CFTR: variants seen among roughly 807,000 people sequenced by gnomAD.
The protein encoded by CFTR is CF transmembrane conductance regulator.
Under a neutral mutation model 171.6 loss-of-function variants are expected in CFTR, and 181 were observed. The observed-to-expected ratio is 1.05, with a 90% confidence interval of 0.93 to 1.19. CFTR has a LOEUF of 1.19. CFTR is among the 50% of genes most tolerant of loss of function. CFTR has a pLI of 0.00. For missense variants in CFTR, 1,968 were observed against 1,734.7 expected, an observed-to-expected ratio of 1.13 and a Z score of -2.39; for synonymous variants, 583 against 608.0, an observed-to-expected ratio of 0.96 and a Z score of 0.60.
At chr7:117,535,448 A>G in intron 6 of CFTR, 37 bp downstream of exon 6, 1 of 1,606,080 alleles carries the variant, frequency 6.2e-7, no homozygotes. Flanking sequence ...AGTTTTAAAA[A>G]TTATGTTTTC....
At chr7:117,641,098 C>A (rs1334978369) in intron 22 of CFTR, among the ~76,000 whole-genome samples, 1 of 152,120 alleles carries the variant, frequency 6.6e-6, no homozygotes, top group African/African-American at 2.4e-5. Context: ...CTGATTTTCT[C>A]AGTTGTCTGA....
intron 24 of CFTR, among the ~76,000 whole-genome samples, chr7:117,658,714 G>A (rs529443333): frequency 6.6e-6 from 1 of 152,062 alleles, no homozygotes; most frequent in African/African-American, 2.4e-5. Flanking sequence ...TCCTCCACGG[G>A]TACCCACATG....
rs573341439 is a variant in CFTR, at chr7:117,634,465, C to T, written c.3717+6695C>T. Among the ~76,000 whole-genome samples the T allele has an allele frequency of 9.9e-5, 15 of 151,952 alleles. No individual in the cohort carries two copies. The East Asian group carries it at 1.9e-3, about 20-fold the overall frequency. On this transcript the variant is annotated intron_variant, in intron 22 of 26. Coordinates refer to ENST00000003084, the MANE Select transcript of CFTR (RefSeq NM_000492.4). ...TTTTATTGATTTTCTCTGTTGATTT[C>T]GTGATTTCAATTTCATGATTTTTAA...
chr7:117,594,603 T>G (rs576685419), intron 14 of CFTR, among the ~76,000 whole-genome samples: 2 of 152,310 alleles, frequency 1.3e-5, no homozygotes, highest in South Asian at 4.1e-4. Context: ...TTAGATGGTA[T>G]CATTCATTTG....
chr7:117,559,638 G>A lies in CFTR; in HGVS notation c.1567G>A (p.Ala523Thr). Reference sequence around the variant, plus strand: ...ATATAGATACAGAAGCGTCATCAAAGCATGCCAACTAGAAGAGGTAAGAAA... The same window carrying A: ...ATATAGATACAGAAGCGTCATCAAAACATGCCAACTAGAAGAGGTAAGAAA... Reference protein sequence around the residue: ...DEYRYRSVIKACQLEEDISKF... With the variant: ...DEYRYRSVIKTCQLEEDISKF... Residue 523 changes from alanine to threonine, a missense_variant, in exon 11 of 27, where the codon GCA becomes ACA. Transcript: ENST00000003084. 1 of 1,612,848 alleles carries A rather than the reference G, an allele frequency of 6.2e-7. No homozygotes were observed. The highest frequency in any genetic ancestry group is 1.7e-5 in the Admixed American group (1 of 60,010).
chr7:117,496,833 C>G (rs2116625462), intron 1 of CFTR, among the ~76,000 whole-genome samples: 1 of 152,022 alleles, frequency 6.6e-6, no homozygotes, highest in East Asian at 1.9e-4. Flanking sequence ...ATTTGCAACA[C>G]TTACTATTAT....
At chr7:117,627,209 G>C (rs1299900820) in intron 21 of CFTR, among the ~76,000 whole-genome samples, 2 of 152,136 alleles carry the variant, frequency 1.3e-5, no homozygotes, top group South Asian at 2.1e-4. Context: ...GTGCAGTGCT[G>C]CTCATAGTAG....
At chr7:117,498,790 C>G (rs1320797359) in intron 1 of CFTR, among the ~76,000 whole-genome samples, 1 of 150,986 alleles carries the variant, frequency 6.6e-6, no homozygotes, top group African/African-American at 2.4e-5. Flanking sequence ...TGAGTCCCCT[C>G]TTTCCTCTGC....
intron 3 of CFTR, among the ~76,000 whole-genome samples, chr7:117,523,038 T>C (rs957888380): frequency 1.3e-5 from 2 of 152,194 alleles, no homozygotes; most frequent in African/African-American, 4.8e-5. Flanking sequence ...GAATTTTTCA[T>C]ACCGAAAATA....
rs573016418 is a variant in CFTR at position 117,592,671 on chromosome 7, G to T, written c.2490+14G>T. ...GAAGACTTAAAGGTAGGTATACATC[G>T]CTTGGGGGTATTTCACCCCACAGAA... On this transcript the variant is annotated intron_variant, in intron 14 of 26. Transcript: ENST00000003084. The T allele has an allele frequency of 1.7e-5, 25 of 1,507,956 alleles. No individual in the cohort carries two copies. In the Admixed American group the frequency reaches 1.9e-4, roughly 11 times the overall value. 93.4% of individuals were successfully genotyped at this position (1,507,956 alleles called of 1,614,324 possible). A position where few individuals can be genotyped will look rare whatever the true frequency, so the allele number is the denominator to read the frequency against.
intron 21 of CFTR, among the ~76,000 whole-genome samples, chr7:117,616,576 G>A (rs1201491869): frequency 6.6e-6 from 1 of 152,082 alleles, no homozygotes; most frequent in Non-Finnish European, 1.5e-5. Context: ...TCTGTTTGGT[G>A]CATTTCTACT....
rs1278852401 is a variant in CFTR, at chr7:117,603,555, A to G, written c.2681A>G (p.Asn894Ser). The change falls in exon 17 of 27, where the codon AAT (asparagine) becomes AGT (serine). Residue 894 changes from asparagine (N) to serine (S), a missense_variant. Asn to Ser is a conservative substitution (Grantham distance 46). Coordinates refer to ENST00000003084, the MANE Select transcript of CFTR (RefSeq NM_000492.4). ...LGNTPLQDKG[N>S]STHSRNNSYA... ...AGCACTCCTCTTCAAGACAAAGGGA[A>G]TAGTACTCATAGTAGAAATAACAGC... 3.7e-6 allele frequency: 6 copies of G among 1,613,974 alleles called. No homozygotes were observed. Among genetic ancestry groups the G allele is most frequent in the African/African-American group, 2.7e-5 (2 of 75,058 alleles).
chr7:117,496,481 G>T (rs1263763341), intron 1 of CFTR, among the ~76,000 whole-genome samples: 1 of 152,092 alleles, frequency 6.6e-6, no homozygotes, highest in African/African-American at 2.4e-5. Context: ...TGGGATTATA[G>T]GTGTGAGCCA....
intron 11 of CFTR, among the ~76,000 whole-genome samples, chr7:117,584,994 G>C (rs1336632095): frequency 6.6e-6 from 1 of 150,904 alleles, no homozygotes; most frequent in Admixed American, 6.6e-5. Flanking sequence ...TTCTTGATTT[G>C]ATTCTCAGCT....
Position 117,542,120 on chromosome 7 carries a change from TA to T in CFTR, c.1209+18del. The T allele has an allele frequency of 7.1e-7, 1 of 1,403,944 alleles. No individual in the cohort carries two copies. The highest frequency in any genetic ancestry group is 1.0e-6 in the Non-Finnish European group (1 of 988,804). The allele number at this position is 1,403,944 out of a possible 1,614,324, so 87.0% of individuals were successfully genotyped here. Reference sequence around the variant, plus strand: ...CCTTCTGGGAGGAGGTCAGAATTTTTAAAAAATTGTTTGCTCTAAACACCTA... The same window carrying T: ...CCTTCTGGGAGGAGGTCAGAATTTTTAAAAATTGTTTGCTCTAAACACCTA... On this transcript the variant is annotated intron_variant, in intron 9 of 26. Coordinates refer to ENST00000003084, the MANE Select transcript of CFTR (RefSeq NM_000492.4).
chr7:117,572,280 G>A (rs527873853), intron 11 of CFTR, among the ~76,000 whole-genome samples: 5 of 152,304 alleles, frequency 3.3e-5, no homozygotes, highest in African/African-American at 1.2e-4. Context: ...GGAATTACAG[G>A]TGTAAGTCAC....
At chr7:117,611,271 T>A (rs1311002374) in intron 19 of CFTR, among the ~76,000 whole-genome samples, 1 of 152,100 alleles carries the variant, frequency 6.6e-6, no homozygotes, top group Admixed American at 6.6e-5. Context: ...TAAAAGAAAA[T>A]TTTTTTAGTA....
intron 15 of CFTR, among the ~76,000 whole-genome samples, chr7:117,601,733 A>C (rs1383944100): frequency 6.6e-6 from 1 of 152,190 alleles, no homozygotes; most frequent in South Asian, 2.1e-4. Flanking sequence ...TGTCATTTCT[A>C]ATATTCCAAT....
At chr7:117,586,318 G>A (rs1054118687) in intron 11 of CFTR, 1 of 152,014 alleles carries the variant, frequency 6.6e-6, no homozygotes, top group Non-Finnish European at 1.5e-5. Context: ...GGGTATTAAC[G>A]ACCTCTCTAT....
Sources: allele counts gnomAD v4.1 joint callset (sites outside exome capture counted in the v4.1 genomes callset), GRCh38; gene constraint gnomAD v4.1.1; transcripts MANE v1.5; gene names NCBI Gene and HGNC (gene_info 2026-07-23, HGNC 2026-07-21).